PALS2: variants seen among roughly 807,000 people sequenced by gnomAD.
PALS2 encodes protein PALS2.
Under a neutral mutation model 61.6 loss-of-function variants are expected in PALS2, and 27 were observed. That is an observed-to-expected ratio of 0.44 (90% CI 0.32 to 0.60). PALS2 has a LOEUF of 0.60. Ranked by LOEUF, PALS2 falls within the 20% of genes least tolerant of loss-of-function variation. The pLI is 0.05. For missense variants in PALS2, 554 were observed against 639.4 expected, an observed-to-expected ratio of 0.87 and a Z score of 1.44; for synonymous variants, 236 against 218.6, an observed-to-expected ratio of 1.08 and a Z score of -0.70.
intron 2 of PALS2, 29 bp downstream of exon 2, chr7:24,623,813 AATT>A: frequency 7.0e-7 from 1 of 1,433,432 alleles, no homozygotes; most frequent in Non-Finnish European, 9.6e-7. Context: ...AAGATTACTG[AATT>A]ATTTTGGACT....
chr7:24,651,449 G>A (rs143937924), intron 5 of PALS2, among the ~76,000 whole-genome samples: 19 of 152,212 alleles, frequency 1.2e-4, no homozygotes, highest in African/African-American at 3.6e-4. Flanking sequence ...TATATAGTTA[G>A]GGATAAAATT....
chr7:24,679,463 TG>T, intron 10 of PALS2, 130 bp downstream of exon 10: 1 of 800,754 alleles, frequency 1.2e-6, no homozygotes. Flanking sequence ...CCATTACCTT[TG>T]GGTGATAGAG....
intron 3 of PALS2, among the ~76,000 whole-genome samples, chr7:24,643,464 A>C (rs1382167611): frequency 6.6e-6 from 1 of 152,096 alleles, no homozygotes; most frequent in Non-Finnish European, 1.5e-5. Flanking sequence ...TACTAATTTG[A>C]GATTTTGCAC....
chr7:24,666,660 A>G (rs549967794), intron 8 of PALS2, among the ~76,000 whole-genome samples: 13 of 152,330 alleles, frequency 8.5e-5, no homozygotes, highest in African/African-American at 3.1e-4. Flanking sequence ...GTAATCATTC[A>G]CATTGTACAC....
At chr7:24,574,443 T>A (rs1234957127) in intron 1 of PALS2, among the ~76,000 whole-genome samples, 1 of 152,148 alleles carries the variant, frequency 6.6e-6, no homozygotes, top group African/African-American at 2.4e-5. Context: ...ACTGGGAGTT[T>A]ATTCTCAATC....
At chr7:24,613,280 G>A (rs935625757) in intron 1 of PALS2, among the ~76,000 whole-genome samples, 6 of 151,230 alleles carry the variant, frequency 4.0e-5, no homozygotes, top group African/African-American at 1.5e-4. Context: ...TCTTCTATTT[G>A]ATCTATTTCA....
intron 2 of PALS2, among the ~76,000 whole-genome samples, chr7:24,634,198 C>T (rs980222370): frequency 1.3e-5 from 2 of 152,046 alleles, no homozygotes; most frequent in African/African-American, 4.8e-5. Flanking sequence ...CTTCTTAGTG[C>T]CTTTTGAAGC....
rs1362230102 is a variant in PALS2 at position 24,573,838 on chromosome 7, C to T, written c.-3+245C>T. On this transcript the variant is annotated intron_variant, in intron 1 of 11. Transcript: ENST00000222644. The surrounding 1 kb of genome is among the most constrained non-coding windows in gnomAD (Gnocchi z 5.3). Reference sequence around the variant, plus strand: ...CGCGCGGAAGGGGCGCTCGGCCGGGCTCCTGCCTCTCTGGCTGCGGGCGGC... The same window carrying T: ...CGCGCGGAAGGGGCGCTCGGCCGGGTTCCTGCCTCTCTGGCTGCGGGCGGC... 1.3e-5 allele frequency among the ~76,000 whole-genome samples: 2 copies of T among 150,400 alleles called. No homozygotes were observed. The highest frequency in any genetic ancestry group is 1.5e-5 in the Non-Finnish European group (1 of 67,496).
At chr7:24,663,500 C>A in intron 5 of PALS2, 90 bp from the exon 6 acceptor site, 2 of 1,245,138 alleles carry the variant, frequency 1.6e-6, no homozygotes, top group South Asian at 1.7e-5. Flanking sequence ...TTGTCAGTTA[C>A]AATTAAATCA....
intron 1 of PALS2, among the ~76,000 whole-genome samples, chr7:24,610,897 G>A (rs1048904187): frequency 5.3e-5 from 8 of 152,024 alleles, no homozygotes; most frequent in Admixed American, 5.2e-4. Flanking sequence ...CATGGATCTG[G>A]TGAAATAATT....
intron 1 of PALS2, among the ~76,000 whole-genome samples, chr7:24,607,786 T>C (rs1446426936): frequency 1.3e-5 from 2 of 151,936 alleles, no homozygotes; most frequent in African/African-American, 4.8e-5. Context: ...ACGAGATAAA[T>C]TTTGATGCAT....
chr7:24,630,323 C>T (rs1233388063), intron 2 of PALS2, among the ~76,000 whole-genome samples: 8 of 151,978 alleles, frequency 5.3e-5, no homozygotes, highest in Admixed American at 5.2e-4. Flanking sequence ...CACACCGATC[C>T]CTGTCGGGGG....
Position 24,687,399 on chromosome 7 carries a change from A to C in PALS2, c.1447-39A>C. The stretch of plus-strand genomic sequence containing the variant: ...TTGGAGTTTGAGCAAGTAAATATGC[A>C]TTGTAATACAAACATTTCCTTTTAA... On this transcript the variant is annotated intron_variant, in intron 11 of 11. Transcript: ENST00000222644. This position sits in a 1 kb window ranked among gnomAD's most constrained non-coding sequence, Gnocchi z 4.5. 1 of 1,514,540 alleles carries C rather than the reference A, an allele frequency of 6.6e-7. No individual in the cohort carries two copies. The highest frequency in any genetic ancestry group is 9.0e-7 in the Non-Finnish European group (1 of 1,105,858). 93.8% of individuals were successfully genotyped at this position (1,514,540 alleles called of 1,614,324 possible). A position where few individuals can be genotyped will look rare whatever the true frequency, so the allele number is the denominator to read the frequency against.
intron 1 of PALS2, among the ~76,000 whole-genome samples, chr7:24,603,594 A>G (rs1355079878): frequency 2.0e-5 from 3 of 152,326 alleles, no homozygotes; most frequent in Non-Finnish European, 4.4e-5. Context: ...CAACTCACTG[A>G]GAGTGAAGTC....
chr7:24,690,950 C>T lies in PALS2; in HGVS notation c.*3336C>T, dbSNP rs1788437921. ...TTATTAAGGCAAATTTAGATAATAA[C>T]CCAAGTTAGCAATAAAACCATGTGA... On this transcript the variant is annotated 3_prime_UTR_variant, in exon 12 of 12. Coordinates refer to ENST00000222644, the MANE Select transcript of PALS2 (RefSeq NM_001303037.2). 1 of 152,094 alleles carries T rather than the reference C, an allele frequency of 6.6e-6. No homozygotes were observed. Among genetic ancestry groups the T allele is most frequent in the African/African-American group, 2.4e-5 (1 of 41,416 alleles). The allele number at this position is 152,094 out of a possible 1,614,324, so 9.4% of individuals were successfully genotyped here.
rs1383756625 is a variant in PALS2, at chr7:24,688,193, A to C, written c.*579A>C. ...TTTACGTATTTTCATTATTTCGGAG[A>C]TGTATGGCTATCCATTCTAATTTAT... On this transcript the variant is annotated 3_prime_UTR_variant, in exon 12 of 12. Transcript: ENST00000222644. 6.6e-6 allele frequency: 1 copy of C among 152,184 alleles called. No individual in the cohort carries two copies. Among genetic ancestry groups the C allele is most frequent in the Non-Finnish European group, 1.5e-5 (1 of 68,042 alleles). 9.4% of individuals were successfully genotyped at this position (152,184 alleles called of 1,614,324 possible).
intron 11 of PALS2, among the ~76,000 whole-genome samples, chr7:24,681,478 G>A (rs563658794): frequency 5.4e-4 from 81 of 150,132 alleles, no homozygotes; most frequent in African/African-American, 1.9e-3. Context: ...TTAATAAGCA[G>A]TATCTTACTA....
Position 24,680,471 on chromosome 7 carries a change from C to T in PALS2, c.1397C>T (p.Ala466Val), listed in dbSNP as rs866342170. 1.2e-6 allele frequency: 2 copies of T among 1,613,908 alleles called. No homozygotes were observed. The highest frequency in any genetic ancestry group is 1.7e-5 in the Admixed American group (1 of 59,994). Residue 466 changes from alanine (A) to valine (V), a missense_variant, in exon 11 of 12, where the codon GCC (alanine) becomes GTC (valine). Ala to Val is a moderately conservative substitution (Grantham distance 64). Coordinates refer to ENST00000222644, the MANE Select transcript of PALS2 (RefSeq NM_001303037.2). ...GCTCCGGAGCTAGAGACGTTACGTG[C>T]CATGCACAAGGCTGTGGTGGATGCA... ...IAAPELETLR[A>V]MHKAVVDAGI...
At chr7:24,681,721 C>T (rs1312616734) in intron 11 of PALS2, among the ~76,000 whole-genome samples, 1 of 152,138 alleles carries the variant, frequency 6.6e-6, no homozygotes, top group Non-Finnish European at 1.5e-5. Context: ...AAAGCCATTA[C>T]AACCAAAATA....
Sources: gnomAD v4.1 joint callset for allele counts (sites outside exome capture counted in the v4.1 genomes callset) on GRCh38, gnomAD v4.1.1 for gene constraint, Gnocchi (gnomAD v3.1) non-coding constraint, MANE v1.5 for transcripts, NCBI Gene and HGNC (gene_info 2026-07-23, HGNC 2026-07-21) for gene names.